Variants in NPAS3 observed in about 807,000 individuals in gnomAD.
The protein encoded by NPAS3 is neuronal PAS domain protein 3.
In NPAS3, 14 loss-of-function variants were observed where a neutral mutation model predicts 73.1. That is an observed-to-expected ratio of 0.19 (90% CI 0.13 to 0.30). The LOEUF is 0.30. Among genes scored for constraint, NPAS3 ranks in the 10% least tolerant of loss-of-function variants. NPAS3 has a pLI of 1.00. For missense variants in NPAS3, 1,096 were observed against 1,250.0 expected (o/e 0.88, Z 1.86); for synonymous variants, 620 against 541.5 (o/e 1.14, Z -2.01).
chr14:33,217,606 AT>A (rs1273547523), intron 3 of NPAS3, among the ~76,000 whole-genome samples: 1 of 152,238 alleles, frequency 6.6e-6, no homozygotes, highest in East Asian at 1.9e-4. Context: ...GTTTACTTTC[AT>A]TGTTAAAGGG....
chr14:33,252,761 A>T (rs2048636306), intron 3 of NPAS3, among the ~76,000 whole-genome samples: 1 of 151,886 alleles, frequency 6.6e-6, no homozygotes, highest in South Asian at 2.1e-4. Context: ...AATTGTACCC[A>T]ATAGGTAATT....
chr14:32,996,440 C>G (rs547796123), intron 1 of NPAS3, among the ~76,000 whole-genome samples: 16 of 152,284 alleles, frequency 1.1e-4, no homozygotes, highest in African/African-American at 3.6e-4. Flanking sequence ...GTATCTAGGG[C>G]ATGTCAGAAC....
intron 2 of NPAS3, among the ~76,000 whole-genome samples, chr14:33,212,103 G>C (rs1485597998): frequency 1.3e-5 from 2 of 152,192 alleles, no homozygotes; most frequent in African/African-American, 4.8e-5. Flanking sequence ...TGTGAGGATT[G>C]CTTATAACTG....
chr14:33,102,425 C>T (rs1393639258), intron 2 of NPAS3, among the ~76,000 whole-genome samples: 1 of 152,140 alleles, frequency 6.6e-6, no homozygotes, highest in Non-Finnish European at 1.5e-5. Context: ...GAGATCTTTG[C>T]TTACTATTTA....
intron 3 of NPAS3, among the ~76,000 whole-genome samples, chr14:33,332,270 C>T (rs1296274709): frequency 6.6e-6 from 1 of 152,066 alleles, no homozygotes; most frequent in Non-Finnish European, 1.5e-5. Flanking sequence ...AATAAGTTTG[C>T]CGGCATCTCT....
chr14:32,976,190 C>T (rs2037670028), intron 1 of NPAS3, among the ~76,000 whole-genome samples: 1 of 152,012 alleles, frequency 6.6e-6, no homozygotes, highest in South Asian at 2.1e-4. Context: ...CCCTGGACTC[C>T]ACTTTAAGAA....
At chr14:33,292,589 CCAGT>C (rs1305481468) in intron 3 of NPAS3, among the ~76,000 whole-genome samples, 1 of 152,008 alleles carries the variant, frequency 6.6e-6, no homozygotes, top group Non-Finnish European at 1.5e-5. Flanking sequence ...AAAAGATTGG[CCAGT>C]CAGTGATTTT....
At chr14:33,276,640 C>T (rs1049347069) in intron 3 of NPAS3, among the ~76,000 whole-genome samples, 17 of 151,682 alleles carry the variant, frequency 1.1e-4, no homozygotes, top group Admixed American at 6.6e-5. Context: ...TAGTTCCTTC[C>T]TTTGTAAAAT....
intron 5 of NPAS3, among the ~76,000 whole-genome samples, chr14:33,565,627 A>G (rs924602691): frequency 6.6e-6 from 1 of 152,210 alleles, no homozygotes; most frequent in Admixed American, 6.5e-5. Context: ...GGGTTGAAAA[A>G]AAAAAGAAGA....
intron 4 of NPAS3, among the ~76,000 whole-genome samples, chr14:33,479,826 C>T (rs1372318362): frequency 6.6e-6 from 1 of 152,044 alleles, no homozygotes; most frequent in African/African-American, 2.4e-5. Context: ...TGACAGGATG[C>T]AATTTTTGAA....
intron 6 of NPAS3, among the ~76,000 whole-genome samples, chr14:33,705,387 G>T (rs767898676): frequency 6.6e-6 from 1 of 152,166 alleles, no homozygotes; most frequent in African/African-American, 2.4e-5. Flanking sequence ...TGGGAGTGTT[G>T]AAATGAAGAT....
At chr14:33,715,016 G>A (rs2060920973) in intron 6 of NPAS3, among the ~76,000 whole-genome samples, 1 of 152,112 alleles carries the variant, frequency 6.6e-6, no homozygotes, top group Non-Finnish European at 1.5e-5. Context: ...TTTTTCTCTT[G>A]CCTTCATATT....
rs528815209 is a variant in NPAS3 at position 33,301,572 on chromosome 14, C to T, written c.386-65614C>T. On this transcript the variant is annotated intron_variant, in intron 3 of 11. Coordinates refer to ENST00000356141, the Ensembl canonical transcript of NPAS3. ...AGCTAAGCGTAGTGGGTACTCTTGG[C>T]GAACTGGAATGTTAAAATGACATTT... 2.0e-3 allele frequency among the ~76,000 whole-genome samples: 304 copies of T among 151,712 alleles called. 7 individuals carry two copies. The South Asian group carries it at 0.049, about 24-fold the overall frequency.
chr14:33,578,347 C>T (rs554166379), intron 5 of NPAS3: 10 of 387,216 alleles, frequency 2.6e-5, no homozygotes, highest in East Asian at 2.2e-4. Flanking sequence ...GCATGTACTA[C>T]CACACCTGGC....
chr14:32,943,767 C>A lies in NPAS3; in HGVS notation c.50+4401C>A, dbSNP rs560031961. On this transcript the variant is annotated intron_variant, in intron 1 of 11. Transcript: ENST00000356141. ...CTGGAGTGCAGTGGCACAATCTCAG[C>A]TCACTGCAACCTCTGCCTTCAAATG... is the stretch of plus-strand genomic sequence containing the variant. Among the ~76,000 whole-genome samples the A allele has an allele frequency of 2.0e-5, 3 of 148,686 alleles. No homozygotes were observed. In the South Asian group the frequency reaches 6.3e-4, roughly 31 times the overall value.
chr14:33,338,694 A>G (rs1566810626), intron 3 of NPAS3, among the ~76,000 whole-genome samples: 1 of 152,108 alleles, frequency 6.6e-6, no homozygotes, highest in Non-Finnish European at 1.5e-5. Context: ...TTAACATTTT[A>G]TGGTTATGAG....
chr14:33,299,901 C>T lies in NPAS3; in HGVS notation c.386-67285C>T, dbSNP rs547824394. Among the ~76,000 whole-genome samples, 3 of 152,244 alleles carry T rather than the reference C, an allele frequency of 2.0e-5. No individual in the cohort carries two copies. The South Asian group carries it at 6.2e-4, about 32-fold the overall frequency. On this transcript the variant is annotated intron_variant, in intron 3 of 11. Coordinates refer to ENST00000356141, the Ensembl canonical transcript of NPAS3. ...AAAGTGATTTTCTAAGCACCAAGCA[C>T]ATGTGTTATAGGTCATGCAAAGATA...
At chr14:33,153,947 C>T (rs181086183) in intron 2 of NPAS3, among the ~76,000 whole-genome samples, 179 of 152,230 alleles carry the variant, frequency 1.2e-3, no homozygotes, top group African/African-American at 3.8e-3. Flanking sequence ...CCAGTTCTTA[C>T]GGGTTTATGT....
At chr14:33,570,044 G>A (rs974400921) in intron 5 of NPAS3, among the ~76,000 whole-genome samples, 2 of 152,164 alleles carry the variant, frequency 1.3e-5, no homozygotes, top group African/African-American at 4.8e-5. Flanking sequence ...GTTCCTTTAA[G>A]TGGTGAGTTC....
Sources: gnomAD v4.1 joint callset for allele counts (sites outside exome capture counted in the v4.1 genomes callset) on GRCh38, gnomAD v4.1.1 for gene constraint, MANE v1.5 for transcripts, NCBI Gene and HGNC (gene_info 2026-07-23, HGNC 2026-07-21) for gene names.